Variants in FNBP4 observed in about 807,000 individuals in gnomAD.
FNBP4 encodes formin binding protein 4, also known as formin-binding protein 4.
FNBP4 carries 34 observed loss-of-function variants against 119.3 expected under a neutral mutation model. The ratio of observed to expected loss-of-function variants is 0.28; its 90% CI spans 0.22 to 0.38. The LOEUF is 0.38. FNBP4 is among the 10% of genes least tolerant of loss of function. The pLI, the probability that FNBP4 is intolerant of heterozygous loss-of-function variation, is 1.00. For synonymous variants in FNBP4, 462 were observed against 430.6 expected (o/e 1.07, Z -0.90); for missense variants, 1,112 against 1,228.9 (o/e 0.90, Z 1.42).
At chr11:47,731,604 C>A in intron 11 of FNBP4, 43 bp from the exon 12 acceptor site, 1 of 1,564,402 alleles carries the variant, frequency 6.4e-7, no homozygotes, top group South Asian at 1.2e-5. Flanking sequence ...AACCCGTTCT[C>A]CTACAAAGAC....
intron 7 of FNBP4, 43 bp from the exon 8 acceptor site, chr11:47,744,206 A>G (rs201885971): frequency 7.1e-7 from 1 of 1,417,750 alleles, no homozygotes; most frequent in Non-Finnish European, 9.9e-7. Context: ...TTAACTGCTT[A>G]TTAATATGTA....
intron 2 of FNBP4, among the ~76,000 whole-genome samples, chr11:47,762,976 T>C (rs2135288409): frequency 6.8e-6 from 1 of 147,784 alleles, no homozygotes; most frequent in African/African-American, 2.5e-5. Context: ...ATTCAAGTGA[T>C]CCTCCCACCT....
Position 47,760,207 on chromosome 11 carries a change from T to C in FNBP4, c.313+5063A>G, listed in dbSNP as rs113528562. ...AAATTAGCCAAGAAAATGAAACTTA[T>C]TAAGCCTAGTGTTTGTGAGAAATTC... On this transcript the variant is annotated intron_variant, in intron 2 of 16. Transcript: ENST00000263773. 7.2e-3 allele frequency among the ~76,000 whole-genome samples: 1,094 copies of C among 152,030 alleles called. 18 individuals are homozygous for C. The highest frequency in any genetic ancestry group is 0.024 in the African/African-American group (1,013 of 41,488).
In FNBP4 at chr11:47,739,003, C is replaced by CT. The variant is rs945928037; in HGVS notation, c.1457-2264dup. ...TACAGATGTGAGGCACGGCGCCTGG[C>CT]TTTTTTTTTTTGAGGCACGGTCTTA... is the stretch of plus-strand genomic sequence containing the variant. On this transcript the variant is annotated intron_variant, in intron 8 of 16. Coordinates refer to ENST00000263773, the MANE Select transcript of FNBP4 (RefSeq NM_015308.5). 6.4e-4 allele frequency among the ~76,000 whole-genome samples: 91 copies of CT among 143,244 alleles called. 1 individual carries two copies. The highest frequency in any genetic ancestry group is 2.9e-3 in the South Asian group (13 of 4,464). The allele number at this position is 143,244 out of a possible 152,430, so 94.0% of individuals were successfully genotyped here.
intron 15 of FNBP4, among the ~76,000 whole-genome samples, chr11:47,721,069 G>A (rs148260030): frequency 1.3e-5 from 2 of 151,976 alleles, no homozygotes; most frequent in African/African-American, 2.4e-5. Context: ...GCTCATGCCT[G>A]TAATCACTTT....
chr11:47,750,805 C>A, intron 6 of FNBP4, 111 bp downstream of exon 6: 1 of 1,115,098 alleles, frequency 9.0e-7, no homozygotes, highest in Non-Finnish European at 1.3e-6. Flanking sequence ...TGAAACTTAT[C>A]CTATTTCACA....
In FNBP4 at chr11:47,750,939, T is replaced by C; in HGVS notation, c.883A>G (p.Ile295Val). 1 of 1,614,094 alleles carries C rather than the reference T, an allele frequency of 6.2e-7. No individual in the cohort carries two copies. Among genetic ancestry groups the C allele is most frequent in the Non-Finnish European group, 8.5e-7 (1 of 1,180,008 alleles). The change falls in exon 6 of 17, where the codon ATA becomes GTA. Residue 295 changes from isoleucine to valine, a missense_variant. By Grantham distance (29) the Ile-to-Val change is conservative. Coordinates refer to ENST00000263773, the MANE Select transcript of FNBP4 (RefSeq NM_015308.5). ...ACCTTTTTAACTTCTCGCTTGGCTA[T>C]GACTGGTCCACTTTTACTACTGGAA... ...SVSSSKSGPV[I>V]AKREVKKEVN...
At chr11:47,757,259 C>T (rs942542248) in intron 2 of FNBP4, among the ~76,000 whole-genome samples, 1 of 152,146 alleles carries the variant, frequency 6.6e-6, no homozygotes, top group African/African-American at 2.4e-5. Context: ...CTCGCTCTGT[C>T]CCCCAGGCTG....
intron 10 of FNBP4, among the ~76,000 whole-genome samples, chr11:47,733,673 G>A (rs2097570194): frequency 6.6e-6 from 1 of 152,070 alleles, no homozygotes; most frequent in Non-Finnish European, 1.5e-5. Context: ...GCTTCCTACA[G>A]GAGCTCCTTA....
chr11:47,725,623 A>C (rs527285597), intron 12 of FNBP4: 2 of 217,820 alleles, frequency 9.2e-6, no homozygotes, highest in African/African-American at 4.7e-5. Flanking sequence ...ACGAAATTGC[A>C]GCTGAAAAGT....
intron 8 of FNBP4, among the ~76,000 whole-genome samples, chr11:47,740,096 T>A (rs375695652): frequency 7.2e-4 from 109 of 151,650 alleles, no homozygotes; most frequent in Middle Eastern, 3.4e-3. Context: ...CAGGCCAACA[T>A]CCTCTCTCTT....
intron 15 of FNBP4, among the ~76,000 whole-genome samples, chr11:47,721,434 A>C (rs905516488): frequency 1.4e-4 from 21 of 151,886 alleles, no homozygotes; most frequent in Non-Finnish European, 3.1e-4. Flanking sequence ...TCTACTAAAA[A>C]TATAAAAAAT....
chr11:47,755,728 C>T (rs1043175714), intron 2 of FNBP4, among the ~76,000 whole-genome samples: 2 of 151,468 alleles, frequency 1.3e-5, no homozygotes, highest in African/African-American at 4.8e-5. Context: ...GAGGTTGAGG[C>T]TGCATTAAGC....
intron 9 of FNBP4, among the ~76,000 whole-genome samples, chr11:47,734,594 A>G (rs2097571405): frequency 6.6e-6 from 1 of 152,174 alleles, no homozygotes; most frequent in African/African-American, 2.4e-5. Flanking sequence ...AAACTCAAAG[A>G]GTAGAATTAG....
chr11:47,733,146 T>C (rs1342828979), intron 10 of FNBP4, among the ~76,000 whole-genome samples: 2 of 152,006 alleles, frequency 1.3e-5, no homozygotes, highest in Admixed American at 1.3e-4. Context: ...CGCAGCAGAG[T>C]TCTGAAAAAT....
intron 2 of FNBP4, among the ~76,000 whole-genome samples, chr11:47,761,832 G>T (rs1213437337): frequency 1.3e-5 from 2 of 151,598 alleles, no homozygotes; most frequent in Admixed American, 6.6e-5. Context: ...AGAACTCCAA[G>T]AATTTAATTT....
intron 9 of FNBP4, among the ~76,000 whole-genome samples, chr11:47,734,910 T>C (rs1473980502): frequency 1.3e-5 from 2 of 148,216 alleles, no homozygotes; most frequent in Non-Finnish European, 3.0e-5. Context: ...GAGGTGGAGG[T>C]TGCAGTGAGC....
intron 8 of FNBP4, chr11:47,743,747 G>T (rs1477112478): frequency 1.7e-6 from 1 of 577,260 alleles, no homozygotes; most frequent in South Asian, 2.1e-5. Context: ...ACCATCCAGT[G>T]GGTGTCAGCC....
At chr11:47,756,244 A>G (rs1408427093) in intron 2 of FNBP4, among the ~76,000 whole-genome samples, 1 of 152,196 alleles carries the variant, frequency 6.6e-6, no homozygotes, top group Non-Finnish European at 1.5e-5. Context: ...TATAATACAT[A>G]GAGTATTATT....
Sources: allele counts gnomAD v4.1 joint callset (sites outside exome capture counted in the v4.1 genomes callset), GRCh38; gene constraint gnomAD v4.1.1; transcripts MANE v1.5; gene names NCBI Gene and HGNC (gene_info 2026-07-23, HGNC 2026-07-21).